ATP9B: variants seen among roughly 807,000 people sequenced by gnomAD.
ATP9B encodes the protein probable phospholipid-transporting ATPase IIB.
A neutral mutation model predicts 146.1 loss-of-function variants in ATP9B; 110 were observed. That is an observed-to-expected ratio of 0.75 (90% confidence interval 0.65 to 0.88). The LOEUF (loss-of-function observed/expected upper bound fraction) is 0.88. Among genes scored for constraint, ATP9B ranks in the 40% least tolerant of loss-of-function variants. ATP9B has a pLI of 0.00. For synonymous variants in ATP9B, 604 were observed against 569.7 expected (o/e 1.06, Z -0.86); for missense variants, 1,499 against 1,496.4 (o/e 1.00, Z -0.03).
intron 17 of ATP9B, chr18:79,332,931 A>T (rs1390083829): frequency 6.6e-6 from 1 of 152,300 alleles, no homozygotes; most frequent in African/African-American, 2.4e-5. Context: ...CCTTCCTGCC[A>T]TCCCTGCAGC....
At position 79,095,478 on chromosome 18, in the gene ATP9B, C is replaced by G. The variant is rs571420541; in HGVS notation, c.120-998C>G. 3.3e-5 allele frequency among the ~76,000 whole-genome samples: 5 copies of G among 152,310 alleles called. No homozygotes were observed. In the South Asian group the frequency reaches 1.0e-3, roughly 32 times the overall value. ...GACCTGGCTTTGTTGGTTTGGAATA[C>G]TTACTTTTCTCCTTATGTGTCAATT... On this transcript the variant is annotated intron_variant, in intron 1 of 29. Transcript: ENST00000426216.
intron 13 of ATP9B, among the ~76,000 whole-genome samples, chr18:79,293,283 T>C (rs1031139333): frequency 3.9e-5 from 6 of 152,122 alleles, no homozygotes; most frequent in South Asian, 4.1e-4. Context: ...AAATTTGTTA[T>C]ACAGTTTGAA....
intron 12 of ATP9B, among the ~76,000 whole-genome samples, chr18:79,272,797 A>G (rs558832056): frequency 6.6e-6 from 1 of 152,328 alleles, no homozygotes; most frequent in East Asian, 1.9e-4. Flanking sequence ...CATCATTCCT[A>G]ATCCACACAA....
intron 9 of ATP9B, among the ~76,000 whole-genome samples, chr18:79,203,752 A>C (rs868538536): frequency 6.6e-6 from 1 of 152,354 alleles, no homozygotes; most frequent in Non-Finnish European, 1.5e-5. Context: ...TGTATGCTCA[A>C]TTGGCTGTGC....
At chr18:79,252,087 G>A (rs1475939770) in intron 11 of ATP9B, among the ~76,000 whole-genome samples, 1 of 152,224 alleles carries the variant, frequency 6.6e-6, no homozygotes, top group East Asian at 1.9e-4. Context: ...CTAACAAAGA[G>A]TTTAAGGGTG....
intron 13 of ATP9B, among the ~76,000 whole-genome samples, chr18:79,278,866 T>C (rs1398975063): frequency 6.6e-6 from 1 of 151,980 alleles, no homozygotes; most frequent in Admixed American, 6.5e-5. Context: ...TCCATGGTAA[T>C]ACACAGAAAA....
chr18:79,207,036 G>A, intron 10 of ATP9B, 24 bp downstream of exon 10: 1 of 1,600,644 alleles, frequency 6.2e-7, no homozygotes, highest in East Asian at 2.2e-5. Flanking sequence ...TCTCCTCTGA[G>A]TGTGATTGCT....
chr18:79,237,872 G>T (rs78486361), intron 11 of ATP9B, among the ~76,000 whole-genome samples: 4 of 93,182 alleles, frequency 4.3e-5, no homozygotes, highest in Admixed American at 4.2e-4. Flanking sequence ...TTATTTTTTT[G>T]TAGAGACTGG....
chr18:79,077,401 T>G (rs1010897695), intron 1 of ATP9B, among the ~76,000 whole-genome samples: 5 of 152,086 alleles, frequency 3.3e-5, no homozygotes, highest in Non-Finnish European at 7.4e-5. Flanking sequence ...TAACAATACC[T>G]TGGCTGGGAA....
intron 29 of ATP9B, among the ~76,000 whole-genome samples, chr18:79,376,607 C>T (rs1044913133): frequency 2.6e-5 from 4 of 151,932 alleles, no homozygotes; most frequent in African/African-American, 4.8e-5. Flanking sequence ...CCAGGCTGGT[C>T]TCAAACTCCT....
At chr18:79,195,405 G>A (rs1210071186) in intron 9 of ATP9B, among the ~76,000 whole-genome samples, 1 of 152,144 alleles carries the variant, frequency 6.6e-6, no homozygotes, top group African/African-American at 2.4e-5. Flanking sequence ...GAGAGCCATC[G>A]TGCCTGGGCC....
chr18:79,343,520 A>C (rs775139055), intron 20 of ATP9B, among the ~76,000 whole-genome samples: 1 of 152,248 alleles, frequency 6.6e-6, no homozygotes, highest in Non-Finnish European at 1.5e-5. Flanking sequence ...TTTTTTAAAA[A>C]TCCCTCAGAC....
chr18:79,336,612 G>A lies in ATP9B; in HGVS notation c.2029-16G>A. 5 of 1,613,034 alleles carry A rather than the reference G, an allele frequency of 3.1e-6. No individual in the cohort carries two copies. Among genetic ancestry groups the A allele is most frequent in the Non-Finnish European group, 4.2e-6 (5 of 1,179,516 alleles). On this transcript the variant is annotated splice_polypyrimidine_tract_variant and intron_variant, in intron 17 of 29. Transcript: ENST00000426216. ...CTCTGCAGGGCCCACCTGTGACTCGGCCTCTCCTTTTCCAGTGCGGAAACA... is the reference window on the plus strand; with the variant it reads ...CTCTGCAGGGCCCACCTGTGACTCGACCTCTCCTTTTCCAGTGCGGAAACA...
At chr18:79,175,823 C>T (rs142677486) in intron 7 of ATP9B, among the ~76,000 whole-genome samples, 32 of 152,136 alleles carry the variant, frequency 2.1e-4, no homozygotes, top group Admixed American at 7.2e-4. Flanking sequence ...TAGCCATGCA[C>T]GCGCACACAC....
intron 25 of ATP9B, among the ~76,000 whole-genome samples, chr18:79,348,913 C>T (rs995626312): frequency 4.6e-5 from 7 of 152,174 alleles, no homozygotes; most frequent in African/African-American, 1.4e-4. Context: ...GAACCCGGGA[C>T]GGGGAGGTTT....
chr18:79,333,699 T>C (rs1211875321), intron 17 of ATP9B, among the ~76,000 whole-genome samples: 1 of 152,006 alleles, frequency 6.6e-6, no homozygotes, highest in African/African-American at 2.4e-5. Flanking sequence ...CTAAAAGACC[T>C]CTCCTCTCGC....
chr18:79,275,215 A>G (rs1038227604), intron 12 of ATP9B, among the ~76,000 whole-genome samples: 1 of 152,082 alleles, frequency 6.6e-6, no homozygotes, highest in Non-Finnish European at 1.5e-5. Flanking sequence ...CCCCCTTTCA[A>G]GCCCTTTTCC....
chr18:79,110,840 G>A (rs1480390658), intron 3 of ATP9B, among the ~76,000 whole-genome samples: 2 of 152,132 alleles, frequency 1.3e-5, no homozygotes, highest in African/African-American at 4.8e-5. Context: ...TATACGTTTT[G>A]TTTGTCTGGG....
Position 79,253,510 on chromosome 18 carries a change from C to T in ATP9B, c.1237C>T (p.Leu413Phe). The T allele has an allele frequency of 1.2e-6, 2 of 1,603,670 alleles. No individual in the cohort carries two copies. Residue 413 changes from leucine (L) to phenylalanine (F), a missense_variant, in exon 12 of 30, where the codon CTT becomes TTT. By Grantham distance (22) the Leu-to-Phe change is conservative. Coordinates refer to ENST00000426216, the MANE Select transcript of ATP9B (RefSeq NM_198531.5). ...ATGGTACCGCAATCTTTTTCGGTTC[C>T]TTCTCCTCTTTTCTTACATCATTCC... ...GPWYRNLFRF[L>F]LLFSYIIPIS...
Sources: allele counts gnomAD v4.1 joint callset (sites outside exome capture counted in the v4.1 genomes callset), GRCh38; gene constraint gnomAD v4.1.1; transcripts MANE v1.5; gene names NCBI Gene and HGNC (gene_info 2026-07-23, HGNC 2026-07-21).